Variants in MYO6 observed in about 807,000 individuals in gnomAD.
MYO6 encodes unconventional myosin-VI.
In MYO6, 74 loss-of-function variants were observed where a neutral mutation model predicts 178.7. The observed-to-expected ratio is 0.41, with a 90% CI of 0.34 to 0.50. The LOEUF (loss-of-function observed/expected upper bound fraction) is 0.50. Among genes scored for constraint, MYO6 ranks in the 20% least tolerant of loss-of-function variants. The probability of loss-of-function intolerance (pLI) is 0.09; values close to 1 mark genes in which losing one functional copy is unlikely to be tolerated. For synonymous variants in MYO6, 477 were observed against 504.6 expected (o/e 0.95, Z 0.73); for missense variants, 1,330 against 1,547.4 (o/e 0.86, Z 2.36).
At chr6:75,840,318 C>T (rs975577847) in intron 7 of MYO6, among the ~76,000 whole-genome samples, 7 of 151,840 alleles carry the variant, frequency 4.6e-5, no homozygotes, top group Non-Finnish European at 7.4e-5. Context: ...TGCACCTCCA[C>T]GCCTGGCTAA....
chr6:75,901,639 T>G (rs1396399717), intron 30 of MYO6, among the ~76,000 whole-genome samples: 1 of 152,100 alleles, frequency 6.6e-6, no homozygotes, highest in Non-Finnish European at 1.5e-5. Flanking sequence ...GACAATGGGG[T>G]TTTCTAGATA....
At chr6:75,753,167 G>A (rs1777041983) in intron 1 of MYO6, among the ~76,000 whole-genome samples, 1 of 152,048 alleles carries the variant, frequency 6.6e-6, no homozygotes. Context: ...GGATGTAGTT[G>A]GGTAAATGAG....
chr6:75,863,262 G>C (rs1321813133), intron 16 of MYO6, among the ~76,000 whole-genome samples: 1 of 152,118 alleles, frequency 6.6e-6, no homozygotes, highest in Non-Finnish European at 1.5e-5. Context: ...TAAGGTTGTG[G>C]CTTAGAACTC....
Position 75,880,138 on chromosome 6 carries a change from A to G in MYO6, c.2286+18A>G. ...CTGGCAAGGTAAATATACATTTTTTACTTTAAACTGTAACATCATGAAAAC... is the reference window on the plus strand; with the variant it reads ...CTGGCAAGGTAAATATACATTTTTTGCTTTAAACTGTAACATCATGAAAAC... On this transcript the variant is annotated intron_variant, in intron 22 of 34. Coordinates refer to ENST00000369977, the MANE Select transcript of MYO6 (RefSeq NM_004999.4). The G allele has an allele frequency of 1.3e-6, 2 of 1,551,430 alleles. No homozygotes were observed. The highest frequency in any genetic ancestry group is 1.8e-6 in the Non-Finnish European group (2 of 1,127,582).
chr6:75,807,349 A>G (rs1001495832), intron 1 of MYO6, among the ~76,000 whole-genome samples: 5 of 152,108 alleles, frequency 3.3e-5, no homozygotes, highest in Admixed American at 2.6e-4. Flanking sequence ...TGAGGACTCC[A>G]TGGAAATTTT....
At chr6:75,776,672 G>GTGTGTGTGTGTGTGTGTA (rs1213651072) in intron 1 of MYO6, among the ~76,000 whole-genome samples, 1 of 151,732 alleles carries the variant, frequency 6.6e-6, no homozygotes, top group African/African-American at 2.4e-5. Flanking sequence ...GTGTGTGTGT[G>GTGTGTGTGTGTGTGTGTA]TGTGTGTGTG....
intron 3 of MYO6, among the ~76,000 whole-genome samples, chr6:75,827,744 C>G (rs1369399834): frequency 1.3e-5 from 2 of 152,168 alleles, no homozygotes; most frequent in African/African-American, 4.8e-5. Context: ...TACTTTCTTA[C>G]ATGGCATAAA....
Position 75,895,246 on chromosome 6 carries a change from A to G in MYO6, c.3123A>G (p.Arg1041=). The G allele has an allele frequency of 6.2e-7, 1 of 1,606,786 alleles. No homozygotes were observed. Among genetic ancestry groups the G allele is most frequent in the Non-Finnish European group, 8.5e-7 (1 of 1,174,142 alleles). ...DLALRRNDGT[R]PKMTPEQMAK... is the part of the protein sequence containing the mutation. Reference sequence around the variant, plus strand: ...CTTTTCACAGAAATGATGGAACAAGACCCAAAATGACACCGTATGTCACTT... The same window carrying G: ...CTTTTCACAGAAATGATGGAACAAGGCCCAAAATGACACCGTATGTCACTT... Residue 1041 remains arginine, a synonymous_variant, in exon 29 of 35, where the codon AGA becomes AGG. Coordinates refer to ENST00000369977, the MANE Select transcript of MYO6 (RefSeq NM_004999.4).
intron 1 of MYO6, among the ~76,000 whole-genome samples, chr6:75,794,109 G>A (rs1768532152): frequency 6.6e-6 from 1 of 152,090 alleles, no homozygotes; most frequent in Non-Finnish European, 1.5e-5. Flanking sequence ...GTCAAGTGGA[G>A]GACATTCCCA....
chr6:75,756,436 G>A (rs1270877908), intron 1 of MYO6, among the ~76,000 whole-genome samples: 2 of 152,106 alleles, frequency 1.3e-5, no homozygotes, highest in African/African-American at 4.8e-5. Context: ...GGGTTCAAGC[G>A]ATTCCCCTGC....
At chr6:75,881,896 A>G (rs1778060214) in intron 23 of MYO6, 78 bp downstream of exon 23, 3 of 1,551,072 alleles carry the variant, frequency 1.9e-6, no homozygotes, top group Non-Finnish European at 2.7e-6. Flanking sequence ...GCTGTCTCAG[A>G]GGTGATGCTG....
chr6:75,894,094 C>T (rs758247897), intron 28 of MYO6, among the ~76,000 whole-genome samples: 3 of 152,142 alleles, frequency 2.0e-5, no homozygotes, highest in Non-Finnish European at 4.4e-5. Flanking sequence ...TTCTAAGGGA[C>T]TTGTTAATGG....
At chr6:75,903,475 A>G (rs1275310109) in intron 30 of MYO6, among the ~76,000 whole-genome samples, 1 of 151,498 alleles carries the variant, frequency 6.6e-6, no homozygotes, top group African/African-American at 2.4e-5. Context: ...CTTTACCATT[A>G]TGTAATGGCC....
chr6:75,811,957 C>T (rs993523338), intron 1 of MYO6, among the ~76,000 whole-genome samples: 3 of 152,136 alleles, frequency 2.0e-5, no homozygotes, highest in Admixed American at 6.5e-5. Flanking sequence ...AAATAACTTA[C>T]TTAAGAGCTT....
At position 75,835,912 on chromosome 6, in the gene MYO6, A is replaced by C. The variant is rs1583227823; in HGVS notation, c.509A>C (p.Glu170Ala). Reference sequence around the variant, plus strand: ...TATATTTTAAACAGATACCTGACTGAATCCTATGGAACAGGTCAAGATATT... The same window carrying C: ...TATATTTTAAACAGATACCTGACTGCATCCTATGGAACAGGTCAAGATATT... The part of the protein sequence containing the change: ...NTKFVLRYLT[E>A]SYGTGQDIDD... Residue 170 changes from glutamate (E) to alanine (A), a missense_variant, in exon 7 of 35, where the codon GAA becomes GCA. Around this residue, in one of 3 missense-constraint regions of MYO6, gnomAD observed 613 missense variants for 816.8 expected, o/e 0.75. Coordinates refer to ENST00000369977, the MANE Select transcript of MYO6 (RefSeq NM_004999.4). The C allele has an allele frequency of 1.2e-6, 2 of 1,601,200 alleles. No individual in the cohort carries two copies. The highest frequency in any genetic ancestry group is 1.7e-6 in the Non-Finnish European group (2 of 1,168,312).
intron 20 of MYO6, among the ~76,000 whole-genome samples, chr6:75,877,076 C>G (rs1392817684): frequency 2.0e-5 from 3 of 151,800 alleles, no homozygotes; most frequent in Admixed American, 2.0e-4. Context: ...CTCCCAGGTT[C>G]AAGCAATTCT....
intron 1 of MYO6, among the ~76,000 whole-genome samples, chr6:75,804,982 C>T (rs1017571133): frequency 6.1e-5 from 8 of 131,286 alleles, no homozygotes; most frequent in Admixed American, 1.6e-4. Flanking sequence ...TATACACACA[C>T]ATATATATAT....
intron 30 of MYO6, among the ~76,000 whole-genome samples, chr6:75,905,059 C>T (rs1780167475): frequency 6.6e-6 from 1 of 152,154 alleles, no homozygotes; most frequent in Non-Finnish European, 1.5e-5. Context: ...GTCAGGGGCC[C>T]ACTTGAGGAG....
chr6:75,911,711 G>C lies in MYO6; in HGVS notation c.3439+13G>C, dbSNP rs1362707127. On this transcript the variant is annotated intron_variant, in intron 33 of 34. Coordinates refer to ENST00000369977, the MANE Select transcript of MYO6 (RefSeq NM_004999.4). ...TTGAACAATTCACGTAAGTCAATGG[G>C]TGGTAACTCATGAGCTAACTGGAAG... 1.2e-6 allele frequency: 2 copies of C among 1,610,188 alleles called. No homozygotes were observed. The highest frequency in any genetic ancestry group is 2.2e-5 in the East Asian group (1 of 44,738).
Sources: gnomAD v4.1 joint callset for allele counts (sites outside exome capture counted in the v4.1 genomes callset) on GRCh38, gnomAD v4.1.1 for gene constraint, gnomAD v4.1.1 regional missense constraint, MANE v1.5 for transcripts, NCBI Gene and HGNC (gene_info 2026-07-23, HGNC 2026-07-21) for gene names.